The following CCDC60 variants were observed in gnomAD, a reference collection of about 807,000 sequenced individuals.
CCDC60 encodes the protein coiled-coil domain-containing protein 60.
CCDC60 carries 54 observed loss-of-function variants against 63.5 expected under a neutral mutation model. The ratio of observed to expected loss-of-function variants is 0.85; its 90% CI spans 0.68 to 1.07. The LOEUF is 1.07. Ranked by LOEUF, CCDC60 falls within the 50% of genes least tolerant of loss-of-function variation. The pLI is 0.00. For synonymous variants in CCDC60, 206 were observed against 238.8 expected, an observed-to-expected ratio of 0.86 and a Z score of 1.27; for missense variants, 651 against 684.3, an observed-to-expected ratio of 0.95 and a Z score of 0.54.
At chr12:119,395,118 G>A (rs1956228108) in intron 1 of CCDC60, among the ~76,000 whole-genome samples, 1 of 152,200 alleles carries the variant, frequency 6.6e-6, no homozygotes. Context: ...ACTCAGAGTG[G>A]CTGCAGAAAA....
chr12:119,365,465 T>G (rs1437683032), intron 1 of CCDC60, among the ~76,000 whole-genome samples: 2 of 152,356 alleles, frequency 1.3e-5, no homozygotes, highest in Middle Eastern at 3.4e-3. Flanking sequence ...TTAAATCCTA[T>G]GCAGTCTACC....
rs201674961 is a variant in CCDC60 at position 119,500,116 on chromosome 12, A to G, written c.596A>G (p.Asn199Ser). 2 of 1,612,356 alleles carry G rather than the reference A, an allele frequency of 1.2e-6. No individual in the cohort carries two copies. The highest frequency in any genetic ancestry group is 1.7e-5 in the Admixed American group (1 of 59,472). ...GGSKSTIKKI[N>S]KDKSMGQKWE... ...AGCAAGAGCACCATTAAAAAAATCA[A>G]TAAGGACAAGTCCATGGGACAGAAA... is the stretch of plus-strand genomic sequence containing the variant. The change falls in exon 6 of 14, where the codon AAT (asparagine) becomes AGT (serine). Residue 199 changes from asparagine (N) to serine (S), a missense_variant. By Grantham distance (46) the Asn-to-Ser change is conservative (BLOSUM62 1). Transcript: ENST00000327554.
chr12:119,507,610 A>ATT (rs1352840585), intron 7 of CCDC60, among the ~76,000 whole-genome samples: 378 of 34,730 alleles, frequency 0.011, 24 homozygotes, highest in Non-Finnish European at 0.015. Context: ...ATATATATAT[A>ATT]TATATTTTTT....
rs149571363 is a variant in CCDC60 at position 119,465,120 on chromosome 12, G to A, written c.171-6874G>A. ...AGGTCAGGAGATCGAGACCATCCTGGCTAACATGGTGAAACCCCGTCTCTA... is the reference window on the plus strand; with the variant it reads ...AGGTCAGGAGATCGAGACCATCCTGACTAACATGGTGAAACCCCGTCTCTA... On this transcript the variant is annotated intron_variant, in intron 2 of 13. Transcript: ENST00000327554. 7.4e-3 allele frequency among the ~76,000 whole-genome samples: 1,129 copies of A among 151,802 alleles called. 18 individuals carry two copies. Among genetic ancestry groups the A allele is most frequent in the African/African-American group, 0.026 (1,064 of 41,414 alleles).
intron 2 of CCDC60, among the ~76,000 whole-genome samples, chr12:119,448,269 G>A (rs1593102650): frequency 1.3e-5 from 2 of 151,948 alleles, no homozygotes; most frequent in African/African-American, 2.4e-5. Flanking sequence ...ATATGAAATC[G>A]TCAAGTGGTA....
chr12:119,352,798 G>A (rs1565966898), intron 1 of CCDC60, among the ~76,000 whole-genome samples: 1 of 152,102 alleles, frequency 6.6e-6, no homozygotes, highest in Non-Finnish European at 1.5e-5. Context: ...TTAGCCGGAT[G>A]TGGTGGTGGT....
Position 119,336,524 on chromosome 12 carries a change from G to A in CCDC60, c.90+1258G>A, listed in dbSNP as rs555538381. On this transcript the variant is annotated intron_variant, in intron 1 of 13. Coordinates refer to ENST00000327554, the MANE Select transcript of CCDC60 (RefSeq NM_178499.5). ...AGGACTTACTCTCAGAGATCTGCTG[G>A]TCTCCAGAAACAGGCATATCCCCTC... 2.0e-5 allele frequency among the ~76,000 whole-genome samples: 3 copies of A among 152,326 alleles called. No individual in the cohort carries two copies. In the South Asian group the frequency reaches 6.2e-4, roughly 32 times the overall value.
At chr12:119,424,602 G>T (rs1298722491) in intron 1 of CCDC60, among the ~76,000 whole-genome samples, 1 of 152,076 alleles carries the variant, frequency 6.6e-6, no homozygotes, top group Non-Finnish European at 1.5e-5. Flanking sequence ...TAGAGAGAGT[G>T]ATTTTTGAAT....
chr12:119,385,555 T>C (rs943197512), intron 1 of CCDC60, among the ~76,000 whole-genome samples: 4 of 152,230 alleles, frequency 2.6e-5, no homozygotes, highest in Non-Finnish European at 4.4e-5. Flanking sequence ...CCTTCCATCA[T>C]GATTGTGAGG....
chr12:119,501,111 C>A lies in CCDC60; in HGVS notation c.648+943C>A, dbSNP rs1593179425. Among the ~76,000 whole-genome samples, 2 of 152,324 alleles carry A rather than the reference C, an allele frequency of 1.3e-5. 1 individual carries two copies. The highest frequency in any genetic ancestry group is 3.9e-4 in the East Asian group (2 of 5,184). On this transcript the variant is annotated intron_variant, in intron 6 of 13. Coordinates refer to ENST00000327554, the MANE Select transcript of CCDC60 (RefSeq NM_178499.5). ...AGCGTTTGCTGAACCTGTCCCCTAA[C>A]CTATGAAATGGATATAATGCCCTTT...
At chr12:119,360,002 A>G (rs1277104152) in intron 1 of CCDC60, among the ~76,000 whole-genome samples, 5 of 151,646 alleles carry the variant, frequency 3.3e-5, no homozygotes, top group Non-Finnish European at 7.4e-5. Flanking sequence ...TTTCTATTCC[A>G]CAAAGCCGCC....
rs150119909 is a variant in CCDC60, at chr12:119,520,107, A to G, written c.969-14A>G. ...AATTCAGCGCCTTGTTAAAGGACTCATTTTGCCTTGCAGCATCTTGTCAGT... is the reference window on the plus strand; with the variant it reads ...AATTCAGCGCCTTGTTAAAGGACTCGTTTTGCCTTGCAGCATCTTGTCAGT... On this transcript the variant is annotated splice_polypyrimidine_tract_variant and intron_variant, in intron 8 of 13. Transcript: ENST00000327554. The G allele has an allele frequency of 6.0e-4, 965 of 1,612,522 alleles. 10 individuals carry two copies. The African/African-American group carries it at 0.011, about 18-fold the overall frequency.
chr12:119,449,176 T>C (rs1950589767), intron 2 of CCDC60, among the ~76,000 whole-genome samples: 1 of 152,074 alleles, frequency 6.6e-6, no homozygotes, highest in South Asian at 2.1e-4. Context: ...GATTCTACCG[T>C]CAATCAAAGC....
At chr12:119,472,913 G>A (rs1951096616) in intron 3 of CCDC60, among the ~76,000 whole-genome samples, 2 of 152,086 alleles carry the variant, frequency 1.3e-5, no homozygotes, top group South Asian at 4.1e-4. Flanking sequence ...CCCCTGGTTG[G>A]AAAAGGACTA....
At chr12:119,403,300 G>A (rs1221475881) in intron 1 of CCDC60, among the ~76,000 whole-genome samples, 4 of 152,152 alleles carry the variant, frequency 2.6e-5, no homozygotes, top group Admixed American at 6.5e-5. Flanking sequence ...CCTGCATCCC[G>A]TGTTCACCTC....
At chr12:119,338,512 G>A (rs917964569) in intron 1 of CCDC60, among the ~76,000 whole-genome samples, 21 of 152,262 alleles carry the variant, frequency 1.4e-4, no homozygotes, top group African/African-American at 4.8e-4. Flanking sequence ...GGCACCCAAC[G>A]GGCAAGGAAC....
intron 1 of CCDC60, among the ~76,000 whole-genome samples, chr12:119,353,581 TTC>T (rs1955681931): frequency 8.3e-6 from 1 of 120,716 alleles, no homozygotes; most frequent in Non-Finnish European, 1.8e-5. Context: ...CCCTCTCTCC[TTC>T]TTCTTCTTCT....
intron 1 of CCDC60, 65 bp downstream of exon 1, chr12:119,335,331 G>A: frequency 8.1e-7 from 1 of 1,240,656 alleles, no homozygotes; most frequent in Non-Finnish European, 1.1e-6. Flanking sequence ...AATTAGCTGG[G>A]TCAAATGGTA....
chr12:119,536,421 G>A (rs1455177596), intron 13 of CCDC60, among the ~76,000 whole-genome samples: 1 of 152,116 alleles, frequency 6.6e-6, no homozygotes, highest in African/African-American at 2.4e-5. Flanking sequence ...TACGTTTAAG[G>A]TTAATATTGC....
Sources: gnomAD v4.1 joint callset for allele counts (sites outside exome capture counted in the v4.1 genomes callset) on GRCh38, gnomAD v4.1.1 for gene constraint, MANE v1.5 for transcripts, NCBI Gene and HGNC (gene_info 2026-07-23, HGNC 2026-07-21) for gene names.